The following CTNNA3 variants were observed in gnomAD, a reference collection of about 807,000 sequenced individuals.
CTNNA3 encodes catenin alpha-3.
CTNNA3 carries 76 observed loss-of-function variants against 95.7 expected under a neutral mutation model. That is an observed-to-expected ratio of 0.79 (90% CI 0.66 to 0.96). CTNNA3 has a LOEUF of 0.96. Ranked by LOEUF, CTNNA3 falls within the 40% of genes least tolerant of loss-of-function variation. CTNNA3 has a pLI of 0.00. For synonymous variants in CTNNA3, 431 were observed against 374.4 expected (o/e 1.15, Z -1.74); for missense variants, 1,191 against 1,089.8 (o/e 1.09, Z -1.31).
At chr10:66,780,756 C>T (rs1415231431) in intron 7 of CTNNA3, among the ~76,000 whole-genome samples, 6 of 152,104 alleles carry the variant, frequency 3.9e-5, no homozygotes, top group Admixed American at 3.3e-4. Context: ...ATAGTAGGGG[C>T]TCAACAGTTA....
At chr10:66,680,924 T>A (rs1847045697) in intron 9 of CTNNA3, among the ~76,000 whole-genome samples, 1 of 152,004 alleles carries the variant, frequency 6.6e-6, no homozygotes, top group Non-Finnish European at 1.5e-5. Flanking sequence ...CAGGAGAGCA[T>A]TGAAGGAATT....
intron 5 of CTNNA3, among the ~76,000 whole-genome samples, chr10:67,380,565 G>A (rs527246880): frequency 7.2e-5 from 11 of 152,104 alleles, no homozygotes; most frequent in Admixed American, 1.3e-4. Context: ...AAGACTAAAG[G>A]ATCAATATCT....
chr10:67,717,476 T>C (rs1841151108), intron 1 of CTNNA3, among the ~76,000 whole-genome samples: 1 of 152,214 alleles, frequency 6.6e-6, no homozygotes, highest in South Asian at 2.1e-4. Context: ...CTTTAATCCA[T>C]CTTGAGTTAG....
chr10:66,376,087 C>T (rs865909349), intron 12 of CTNNA3, among the ~76,000 whole-genome samples: 1 of 152,014 alleles, frequency 6.6e-6, no homozygotes, highest in Admixed American at 6.6e-5. Context: ...TGCTCTGGGG[C>T]CTGCTGATTC....
At chr10:66,482,997 GGA>G (rs1416787806) in intron 11 of CTNNA3, among the ~76,000 whole-genome samples, 1 of 152,174 alleles carries the variant, frequency 6.6e-6, no homozygotes, top group East Asian at 1.9e-4. Context: ...CATCCAGTGT[GGA>G]GCACAGGAGA....
intron 5 of CTNNA3, among the ~76,000 whole-genome samples, chr10:67,229,461 T>C (rs577029136): frequency 2.0e-5 from 3 of 152,164 alleles, no homozygotes; most frequent in Non-Finnish European, 2.9e-5. Context: ...CTGGAAGTCC[T>C]AGCCAGAGCA....
chr10:67,434,636 T>C (rs1189984425), intron 5 of CTNNA3, among the ~76,000 whole-genome samples: 1 of 151,954 alleles, frequency 6.6e-6, no homozygotes, highest in Non-Finnish European at 1.5e-5. Context: ...TCAATTAGAC[T>C]CAAAGAATTG....
intron 5 of CTNNA3, among the ~76,000 whole-genome samples, chr10:67,391,925 A>C (rs1215165626): frequency 6.6e-6 from 1 of 151,274 alleles, no homozygotes; most frequent in Non-Finnish European, 1.5e-5. Context: ...TAAAGACTTA[A>C]ACGTTAGACC....
At chr10:67,282,633 A>G (rs548206088) in intron 5 of CTNNA3, among the ~76,000 whole-genome samples, 29 of 152,274 alleles carry the variant, frequency 1.9e-4, no homozygotes, top group African/African-American at 6.7e-4. Flanking sequence ...CAGTTTTACA[A>G]TTTATGAAAT....
chr10:66,335,951 T>C (rs2092390518), intron 12 of CTNNA3, among the ~76,000 whole-genome samples: 1 of 152,100 alleles, frequency 6.6e-6, no homozygotes, highest in Admixed American at 6.5e-5. Flanking sequence ...TCCTCCAGCC[T>C]TGCTGCTGCC....
rs1043277131 is a variant in CTNNA3 at position 67,497,164 on chromosome 10, G to A, written c.579+24678C>T. Among the ~76,000 whole-genome samples, 8 of 152,088 alleles carry A rather than the reference G, an allele frequency of 5.3e-5. No homozygotes were observed. In the East Asian group the frequency reaches 1.5e-3, roughly 29 times the overall value. Reference sequence around the variant, plus strand: ...ATTCTCATTGTTCAATTCCTACTTAGGAGTGACAACATGCAGTGTTTGGTT... The same window carrying A: ...ATTCTCATTGTTCAATTCCTACTTAAGAGTGACAACATGCAGTGTTTGGTT... On this transcript the variant is annotated intron_variant, in intron 5 of 17. Coordinates refer to ENST00000433211, the MANE Select transcript of CTNNA3 (RefSeq NM_013266.4).
At chr10:66,863,861 A>G (rs758152867) in intron 7 of CTNNA3, among the ~76,000 whole-genome samples, 1 of 152,128 alleles carries the variant, frequency 6.6e-6, no homozygotes, top group Non-Finnish European at 1.5e-5. Context: ...GGGTCATCTC[A>G]CATAGTTGGT....
At chr10:66,414,268 A>G (rs1473733889) in intron 11 of CTNNA3, among the ~76,000 whole-genome samples, 3 of 152,200 alleles carry the variant, frequency 2.0e-5, no homozygotes, top group African/African-American at 7.2e-5. Flanking sequence ...TCCACTAAAA[A>G]GAGCTAAAAT....
chr10:67,376,374 G>A (rs1843689181), intron 5 of CTNNA3, among the ~76,000 whole-genome samples: 1 of 152,168 alleles, frequency 6.6e-6, no homozygotes, highest in South Asian at 2.1e-4. Flanking sequence ...AAGAGGATTG[G>A]AAATTGGTCT....
At position 66,346,076 on chromosome 10, in the gene CTNNA3, C is replaced by CA. The variant is rs746349432; in HGVS notation, c.1732+33075dup. On this transcript the variant is annotated intron_variant, in intron 12 of 17. Transcript: ENST00000433211. ...TGGGCAACAGAGAGAGACTCCATCT[C>CA]AAAAAAAAAAAAAAAAAAAAGAATA... is the stretch of plus-strand genomic sequence containing the variant. Among the ~76,000 whole-genome samples the CA allele has an allele frequency of 2.1e-3, 147 of 70,386 alleles. 1 individual carries two copies. Among genetic ancestry groups the CA allele is most frequent in the South Asian group, 0.014 (28 of 2,068 alleles). 46.2% of individuals were successfully genotyped at this position (70,386 alleles called of 152,430 possible). A position where few individuals can be genotyped will look rare whatever the true frequency, so the allele number is the denominator to read the frequency against.
At chr10:66,600,320 A>G (rs1374383161) in intron 10 of CTNNA3, among the ~76,000 whole-genome samples, 1 of 151,896 alleles carries the variant, frequency 6.6e-6, no homozygotes, top group Non-Finnish European at 1.5e-5. Flanking sequence ...CCTTGAAATA[A>G]TGTAATTTTT....
At chr10:66,679,841 A>C (rs4746627) in intron 9 of CTNNA3, among the ~76,000 whole-genome samples, 1 of 151,918 alleles carries the variant, frequency 6.6e-6, no homozygotes, top group African/African-American at 2.4e-5. Flanking sequence ...CTTTCAAGCA[A>C]CAATGCAAAG....
At chr10:66,150,692 C>A (rs545410900) in intron 13 of CTNNA3, among the ~76,000 whole-genome samples, 2 of 151,888 alleles carry the variant, frequency 1.3e-5, no homozygotes, top group Non-Finnish European at 2.9e-5. Context: ...TTATTATTAA[C>A]TATAGTTACC....
intron 9 of CTNNA3, among the ~76,000 whole-genome samples, chr10:66,655,096 C>CA (rs1289327505): frequency 6.6e-6 from 1 of 151,816 alleles, no homozygotes; most frequent in East Asian, 1.9e-4. Context: ...GTTCTTACCA[C>CA]AAAAAAATGT....
Sources: gnomAD v4.1 joint callset for allele counts (sites outside exome capture counted in the v4.1 genomes callset) on GRCh38, gnomAD v4.1.1 for gene constraint, MANE v1.5 for transcripts, NCBI Gene and HGNC (gene_info 2026-07-23, HGNC 2026-07-21) for gene names.